PRTFDC1: variants seen among roughly 807,000 people sequenced by gnomAD.
The protein encoded by PRTFDC1 is phosphoribosyltransferase domain-containing protein 1.
Under a neutral mutation model 34.6 loss-of-function variants are expected in PRTFDC1, and 38 were observed. That is an observed-to-expected ratio of 1.10 (90% CI 0.85 to 1.44). The LOEUF (loss-of-function observed/expected upper bound fraction) is 1.44. Among genes scored for constraint, PRTFDC1 ranks in the 40% most tolerant of loss-of-function variants. The pLI, the probability that PRTFDC1 is intolerant of heterozygous loss-of-function variation, is 0.00. For synonymous variants in PRTFDC1, 93 were observed against 98.1 expected (o/e 0.95, Z 0.31); for missense variants, 270 against 283.0 (o/e 0.95, Z 0.33).
chr10:24,917,019 G>A lies in PRTFDC1; in HGVS notation c.339+20165C>T, dbSNP rs529446012. On this transcript the variant is annotated intron_variant, in intron 3 of 8. Coordinates refer to ENST00000320152, the MANE Select transcript of PRTFDC1 (RefSeq NM_020200.7). Reference sequence around the variant, plus strand: ...GCTCAATGGTGTATTCGAGGATCCAGGCTCTGTCCCCTTCCCCTTTGCCAT... The same window carrying A: ...GCTCAATGGTGTATTCGAGGATCCAAGCTCTGTCCCCTTCCCCTTTGCCAT... Among the ~76,000 whole-genome samples, 3 of 152,274 alleles carry A rather than the reference G, an allele frequency of 2.0e-5. No homozygotes were observed. The East Asian group carries it at 5.8e-4, about 29-fold the overall frequency.
chr10:24,925,874 A>G (rs971087544), intron 3 of PRTFDC1, among the ~76,000 whole-genome samples: 9 of 152,230 alleles, frequency 5.9e-5, no homozygotes, highest in African/African-American at 4.8e-5. Flanking sequence ...TAGGCAGCCA[A>G]CTGGAGTCTG....
chr10:24,921,683 A>T (rs1484823679), intron 3 of PRTFDC1, among the ~76,000 whole-genome samples: 2 of 148,926 alleles, frequency 1.3e-5, no homozygotes, highest in African/African-American at 5.1e-5. Context: ...CTATTTGTCA[A>T]TGTCTGTTTG....
intron 3 of PRTFDC1, among the ~76,000 whole-genome samples, chr10:24,895,647 G>C (rs1221066282): frequency 7.1e-6 from 1 of 140,636 alleles, no homozygotes; most frequent in African/African-American, 2.7e-5. Flanking sequence ...GAACAGAAGA[G>C]AAAGAAAACC....
At chr10:24,872,188 A>T in intron 3 of PRTFDC1, 125 bp from the exon 4 acceptor site, 2 of 792,358 alleles carry the variant, frequency 2.5e-6, no homozygotes, top group Non-Finnish European at 4.1e-6. Context: ...AATAGCTAAT[A>T]GGGATTCATG....
chr10:24,854,925 C>T (rs1244667744), intron 7 of PRTFDC1, among the ~76,000 whole-genome samples: 2 of 152,198 alleles, frequency 1.3e-5, no homozygotes, highest in Non-Finnish European at 2.9e-5. Flanking sequence ...CTCTCCTTGT[C>T]TGACTGGTGA....
chr10:24,882,027 T>C (rs1343347753), intron 3 of PRTFDC1, among the ~76,000 whole-genome samples: 1 of 151,658 alleles, frequency 6.6e-6, no homozygotes, highest in Non-Finnish European at 1.5e-5. Flanking sequence ...GCCAACACGG[T>C]AAAACCCTGT....
chr10:24,934,254 A>AAGAAGAAGAAGAAGG (rs1849016235), intron 3 of PRTFDC1, among the ~76,000 whole-genome samples: 1 of 46,666 alleles, frequency 2.1e-5, no homozygotes, highest in African/African-American at 1.5e-4. Flanking sequence ...GAAGGAGAAG[A>AAGAAGAAGAAGAAGG]AGAAGAAGAA....
chr10:24,940,716 G>A (rs536166514), intron 2 of PRTFDC1, among the ~76,000 whole-genome samples: 32 of 152,126 alleles, frequency 2.1e-4, no homozygotes, highest in Admixed American at 3.9e-4. Context: ...GAAAAGATAT[G>A]TCCACACAAA....
At chr10:24,855,549 T>C (rs1847558686) in intron 6 of PRTFDC1, among the ~76,000 whole-genome samples, 185 bp from the exon 7 acceptor site, 1 of 152,194 alleles carries the variant, frequency 6.6e-6, no homozygotes, top group Non-Finnish European at 1.5e-5. Context: ...ATCCCAGTGC[T>C]TTGGGAGGAC....
chr10:24,924,045 C>G (rs6482461), intron 3 of PRTFDC1, among the ~76,000 whole-genome samples: 49,125 of 151,730 alleles, frequency 0.32, 9,353 homozygotes, highest in African/African-American at 0.53. Flanking sequence ...GTAGAAGAAA[C>G]GATATCAGTG....
At chr10:24,946,468 T>C (rs1849252792) in intron 1 of PRTFDC1, among the ~76,000 whole-genome samples, 1 of 151,908 alleles carries the variant, frequency 6.6e-6, no homozygotes, top group Non-Finnish European at 1.5e-5. Context: ...AAATCACAAA[T>C]GAAACAAACC....
intron 4 of PRTFDC1, among the ~76,000 whole-genome samples, chr10:24,859,977 T>G (rs537171397): frequency 1.3e-5 from 2 of 152,230 alleles, no homozygotes; most frequent in Non-Finnish European, 2.9e-5. Flanking sequence ...AAAATATGAC[T>G]GTTAATATGC....
Position 24,937,336 on chromosome 10 carries a change from C to G in PRTFDC1, c.187G>C (p.Asp63His), listed in dbSNP as rs768261934. Reference protein sequence around the residue: ...IERLAKDIMKDIGYSDIMVLC... With the variant: ...IERLAKDIMKHIGYSDIMVLC... Reference sequence around the variant, plus strand: ...ACCATGATGTCACTATATCCTATGTCTTTCATAATATCCTTGGCCAGCCGC... The same window carrying G: ...ACCATGATGTCACTATATCCTATGTGTTTCATAATATCCTTGGCCAGCCGC... The change falls in exon 3 of 9, where the codon GAC (aspartate) becomes CAC (histidine). Residue 63 changes from aspartate (D) to histidine (H), a missense_variant. Coordinates refer to ENST00000320152, the MANE Select transcript of PRTFDC1 (RefSeq NM_020200.7). 4 of 1,611,402 alleles carry G rather than the reference C, an allele frequency of 2.5e-6. No individual in the cohort carries two copies. In the East Asian group the frequency reaches 8.9e-5, roughly 36 times the overall value.
chr10:24,917,561 T>C (rs949397695), intron 3 of PRTFDC1, among the ~76,000 whole-genome samples: 7 of 152,236 alleles, frequency 4.6e-5, no homozygotes, highest in Admixed American at 1.3e-4. Flanking sequence ...TTGGGGTTCC[T>C]TTTTTAGGGT....
At chr10:24,869,904 T>G (rs527440323) in intron 4 of PRTFDC1, among the ~76,000 whole-genome samples, 1 of 152,186 alleles carries the variant, frequency 6.6e-6, no homozygotes, top group Admixed American at 6.5e-5. Flanking sequence ...ATCAAAGACT[T>G]CTTTCTAATT....
At chr10:24,908,811 C>G (rs990782301) in intron 3 of PRTFDC1, 1 of 1,372,496 alleles carries the variant, frequency 7.3e-7, no homozygotes, top group African/African-American at 1.5e-5. Flanking sequence ...GCCCTCACAT[C>G]CCCCTTTTCC....
chr10:24,951,426 T>C (rs1176330260), intron 1 of PRTFDC1: 1 of 467,566 alleles, frequency 2.1e-6, no homozygotes, highest in Admixed American at 6.4e-5. Context: ...ACGTGTGGAA[T>C]GAATAAATCA....
chr10:24,879,649 T>C (rs1440648979), intron 3 of PRTFDC1, among the ~76,000 whole-genome samples: 3 of 152,082 alleles, frequency 2.0e-5, no homozygotes, highest in African/African-American at 7.2e-5. Flanking sequence ...TGCCCAGCTG[T>C]ATTTACTGAA....
chr10:24,950,836 A>G (rs927620526), intron 1 of PRTFDC1, among the ~76,000 whole-genome samples: 2 of 152,078 alleles, frequency 1.3e-5, no homozygotes, highest in Admixed American at 6.6e-5. Context: ...ACTCCCGAAC[A>G]TTACATATTA....
Sources: allele counts gnomAD v4.1 joint callset (sites outside exome capture counted in the v4.1 genomes callset), GRCh38; gene constraint gnomAD v4.1.1; transcripts MANE v1.5; gene names NCBI Gene and HGNC (gene_info 2026-07-23, HGNC 2026-07-21).